Variants in PPP3CA observed in about 807,000 individuals in gnomAD.
PPP3CA encodes the protein CAM-PRP catalytic subunit.
Under a neutral mutation model 66.5 loss-of-function variants are expected in PPP3CA, and 14 were observed. The observed-to-expected ratio is 0.21, with a 90% CI of 0.14 to 0.33. PPP3CA has a LOEUF of 0.33. PPP3CA is among the 10% of genes least tolerant of loss of function. The probability of loss-of-function intolerance (pLI) is 1.00; values close to 1 mark genes in which losing one functional copy is unlikely to be tolerated. For missense variants in PPP3CA, 317 were observed against 639.5 expected (o/e 0.50, Z 5.44); for synonymous variants, 232 against 226.2 (o/e 1.03, Z -0.23).
At chr4:101,250,363 A>G (rs1445804167) in intron 1 of PPP3CA, 2 of 456,294 alleles carry the variant, frequency 4.4e-6, no homozygotes, top group South Asian at 3.1e-5. Context: ...TCATACCCTT[A>G]GTTTCAACAT....
intron 1 of PPP3CA, among the ~76,000 whole-genome samples, chr4:101,207,841 A>T (rs1197633959): frequency 2.0e-5 from 3 of 152,140 alleles, no homozygotes; most frequent in Admixed American, 2.0e-4. Flanking sequence ...AAAGAAAAAA[A>T]AAAAAGAGTA....
At chr4:101,295,467 TAC>T (rs1430144508) in intron 1 of PPP3CA, among the ~76,000 whole-genome samples, 1 of 152,206 alleles carries the variant, frequency 6.6e-6, no homozygotes, top group East Asian at 1.9e-4. Context: ...CCAAAATTAG[TAC>T]ACGCATGTTC....
intron 2 of PPP3CA, among the ~76,000 whole-genome samples, chr4:101,131,277 T>A (rs867610474): frequency 5.9e-4 from 83 of 140,246 alleles, no homozygotes; most frequent in African/African-American, 2.1e-3. Flanking sequence ...AATAAATAAA[T>A]AAAATAAAAA....
chr4:101,331,670 G>C (rs946676984), intron 1 of PPP3CA, among the ~76,000 whole-genome samples: 2 of 152,098 alleles, frequency 1.3e-5, no homozygotes, highest in Admixed American at 6.6e-5. Flanking sequence ...GTGTGCTTCA[G>C]GTTTTTAAGT....
At chr4:101,193,688 T>G (rs1724690659) in intron 2 of PPP3CA, among the ~76,000 whole-genome samples, 1 of 152,114 alleles carries the variant, frequency 6.6e-6, no homozygotes, top group Non-Finnish European at 1.5e-5. Context: ...TTCTCCAAAA[T>G]AAAACATAAT....
intron 1 of PPP3CA, among the ~76,000 whole-genome samples, chr4:101,328,047 C>T (rs1039073945): frequency 1.3e-5 from 2 of 152,176 alleles, no homozygotes; most frequent in African/African-American, 2.4e-5. Context: ...AATTTTCCCA[C>T]ATGCAGAGGT....
intron 1 of PPP3CA, among the ~76,000 whole-genome samples, chr4:101,221,016 T>A (rs886391162): frequency 1.3e-5 from 2 of 151,746 alleles, no homozygotes; most frequent in Non-Finnish European, 3.0e-5. Flanking sequence ...TTATCAAAAA[T>A]TATGTCAAAG....
chr4:101,240,612 G>A (rs1038171017), intron 1 of PPP3CA, among the ~76,000 whole-genome samples: 1 of 151,956 alleles, frequency 6.6e-6, no homozygotes, highest in East Asian at 1.9e-4. Flanking sequence ...CAGGATTTGG[G>A]TAAGACAGAC....
chr4:101,184,932 G>C (rs749619738), intron 2 of PPP3CA, among the ~76,000 whole-genome samples: 11 of 152,088 alleles, frequency 7.2e-5, no homozygotes, highest in Non-Finnish European at 1.6e-4. Flanking sequence ...GTCACTGGGG[G>C]AGCTGCGGCA....
At chr4:101,048,471 A>C (rs1727863843) in intron 10 of PPP3CA, among the ~76,000 whole-genome samples, 1 of 143,310 alleles carries the variant, frequency 7.0e-6, no homozygotes. Flanking sequence ...GGGTCAGTGC[A>C]GTCAATGTGA....
chr4:101,264,166 T>C (rs530679000), intron 1 of PPP3CA, among the ~76,000 whole-genome samples: 20 of 152,314 alleles, frequency 1.3e-4, no homozygotes, highest in Admixed American at 8.5e-4. Flanking sequence ...ATCAAATAAA[T>C]GAAATAAGGC....
intron 2 of PPP3CA, among the ~76,000 whole-genome samples, chr4:101,121,684 T>C (rs1429464470): frequency 1.3e-5 from 2 of 152,130 alleles, no homozygotes; most frequent in Non-Finnish European, 2.9e-5. Context: ...TTAAAAAAAA[T>C]AGTCATTATT....
chr4:101,208,709 T>C (rs988524192), intron 1 of PPP3CA, among the ~76,000 whole-genome samples: 3 of 152,236 alleles, frequency 2.0e-5, no homozygotes, highest in African/African-American at 7.2e-5. Context: ...ATACATGTCT[T>C]ATGTGATTTC....
chr4:101,324,154 G>GGGAGGA lies in PPP3CA; in HGVS notation c.58+22584_58+22585insTCCTCC, dbSNP rs1729130998. Among the ~76,000 whole-genome samples, 14 of 66,484 alleles carry GGGAGGA rather than the reference G, an allele frequency of 2.1e-4. 2 individuals are homozygous for GGGAGGA. The highest frequency in any genetic ancestry group is 6.4e-4 in the African/African-American group (13 of 20,156). 43.6% of individuals were successfully genotyped at this position (66,484 alleles called of 152,430 possible). ...AGGGAAGGAAGGGAAGGAAGGGAGGGAGGAAGGAAGGAAGGAAGGAAGGAA... is the reference window on the plus strand; with the variant it reads ...AGGGAAGGAAGGGAAGGAAGGGAGGGGGAGGAAGGAAGGAAGGAAGGAAGGAAGGAA... On this transcript the variant is annotated intron_variant, in intron 1 of 13. Coordinates refer to ENST00000394854, the MANE Select transcript of PPP3CA (RefSeq NM_000944.5).
intron 2 of PPP3CA, among the ~76,000 whole-genome samples, chr4:101,148,084 C>G (rs560809855): frequency 6.6e-6 from 1 of 152,086 alleles, no homozygotes; most frequent in African/African-American, 2.4e-5. Context: ...CAGTTTTTCC[C>G]TTAGGATACA....
intron 1 of PPP3CA, among the ~76,000 whole-genome samples, chr4:101,346,189 G>A (rs1277765986): frequency 2.0e-5 from 3 of 151,550 alleles, no homozygotes; most frequent in Non-Finnish European, 4.4e-5. Context: ...CTTCCAGGGG[G>A]AGGGGGAGGG....
chr4:101,285,320 C>T (rs1376582422), intron 1 of PPP3CA, among the ~76,000 whole-genome samples: 2 of 152,070 alleles, frequency 1.3e-5, no homozygotes, highest in Non-Finnish European at 2.9e-5. Context: ...TTATGGCCTC[C>T]CAACCATCCC....
chr4:101,033,293 AACACACACACACACAC>A (rs70961772), intron 11 of PPP3CA, among the ~76,000 whole-genome samples: 8 of 139,370 alleles, frequency 5.7e-5, no homozygotes, highest in South Asian at 2.3e-4. Context: ...CACACACACA[AACACACACACACACAC>A]ACACACACAC....
intron 2 of PPP3CA, among the ~76,000 whole-genome samples, chr4:101,153,976 G>A (rs572255514): frequency 1.3e-5 from 2 of 151,670 alleles, no homozygotes; most frequent in Non-Finnish European, 2.9e-5. Context: ...GCTGCTCTCT[G>A]GTAAAAGTTA....
Sources: gnomAD v4.1 joint callset for allele counts (sites outside exome capture counted in the v4.1 genomes callset) on GRCh38, gnomAD v4.1.1 for gene constraint, MANE v1.5 for transcripts, NCBI Gene and HGNC (gene_info 2026-07-23, HGNC 2026-07-21) for gene names.